Variants in OSCP1 observed in about 807,000 individuals in gnomAD.
The protein encoded by OSCP1 is organic solute carrier partner 1.
In OSCP1, 35 loss-of-function variants were observed where a neutral mutation model predicts 45.1. The observed-to-expected ratio is 0.78, with a 90% CI of 0.59 to 1.03. The LOEUF (loss-of-function observed/expected upper bound fraction) is 1.03, where lower values mean the gene tolerates loss of function less well. OSCP1 is among the 50% of genes least tolerant of loss of function. The pLI is 0.00. For synonymous variants in OSCP1, 179 were observed against 180.1 expected (o/e 0.99, Z 0.05); for missense variants, 400 against 470.7 (o/e 0.85, Z 1.39).
At chr1:36,437,796 T>C (rs1570535199) in intron 2 of OSCP1, among the ~76,000 whole-genome samples, 1 of 151,974 alleles carries the variant, frequency 6.6e-6, no homozygotes, top group Non-Finnish European at 1.5e-5. Context: ...GGATTACAGG[T>C]GTGAGCCACC....
At chr1:36,420,419 G>A (rs1286746760) in intron 8 of OSCP1, 57 bp downstream of exon 8, 2 of 1,566,722 alleles carry the variant, frequency 1.3e-6, no homozygotes, top group Non-Finnish European at 1.7e-6. Context: ...GTCATTTTGT[G>A]TTCTTGTCAT....
intron 1 of OSCP1, 86 bp from the exon 2 acceptor site, chr1:36,438,996 G>A (rs1004130835): frequency 2.1e-6 from 3 of 1,445,344 alleles, no homozygotes; most frequent in East Asian, 2.3e-5. Context: ...TACAGGAGCT[G>A]AGCGTGTACA....
chr1:36,427,766 TTTTAAA>T (rs1208394917), intron 4 of OSCP1, among the ~76,000 whole-genome samples: 1 of 152,252 alleles, frequency 6.6e-6, no homozygotes, highest in African/African-American at 2.4e-5. Flanking sequence ...AAAATTGTTA[TTTTAAA>T]TTTAATGAAA....
At chr1:36,441,415 A>G (rs536008662) in intron 1 of OSCP1, among the ~76,000 whole-genome samples, 10 of 152,198 alleles carry the variant, frequency 6.6e-5, no homozygotes, top group Non-Finnish European at 1.3e-4. Context: ...GAAGCAGCAC[A>G]TCATCTTTAG....
At chr1:36,432,318 G>C in intron 3 of OSCP1, 104 bp downstream of exon 3, 1 of 1,351,500 alleles carries the variant, frequency 7.4e-7, no homozygotes, top group South Asian at 1.4e-5. Flanking sequence ...GGCAGGCTTT[G>C]CCATTCCTCA....
intron 1 of OSCP1, among the ~76,000 whole-genome samples, chr1:36,445,071 G>A (rs939773945): frequency 6.6e-6 from 1 of 152,066 alleles, no homozygotes; most frequent in Non-Finnish European, 1.5e-5. Context: ...ACATTTTGGC[G>A]AGGCACAGTG....
intron 1 of OSCP1, among the ~76,000 whole-genome samples, chr1:36,445,924 G>C (rs1198527128): frequency 6.6e-6 from 1 of 151,962 alleles, no homozygotes; most frequent in Non-Finnish European, 1.5e-5. Flanking sequence ...TGTTGGCCAG[G>C]CTGGTCTTGA....
chr1:36,437,728 A>G (rs1248693579), intron 2 of OSCP1, among the ~76,000 whole-genome samples: 1 of 152,142 alleles, frequency 6.6e-6, no homozygotes, highest in Admixed American at 6.5e-5. Flanking sequence ...CATGTTGGCC[A>G]GACTGGTCTC....
chr1:36,449,417 T>A, intron 1 of OSCP1, among the ~76,000 whole-genome samples: 1 of 126,802 alleles, frequency 7.9e-6, no homozygotes, highest in East Asian at 3.2e-4. Flanking sequence ...AGGAGATTTA[T>A]AACTTTCTTA....
intron 8 of OSCP1, 131 bp from the exon 9 acceptor site, chr1:36,419,185 C>G: frequency 1.3e-6 from 1 of 775,816 alleles, no homozygotes. Context: ...ACTTTCTACC[C>G]CATCTCCCAC....
intron 1 of OSCP1, among the ~76,000 whole-genome samples, chr1:36,441,942 G>C (rs534709831): frequency 1.3e-5 from 2 of 150,658 alleles, no homozygotes; most frequent in South Asian, 2.1e-4. Flanking sequence ...AAGAGGCTAA[G>C]GGGGGCCGGG....
At chr1:36,449,719 C>T (rs1314392430) in intron 1 of OSCP1, among the ~76,000 whole-genome samples, 2 of 151,186 alleles carry the variant, frequency 1.3e-5, no homozygotes, top group Admixed American at 1.3e-4. Context: ...TGCCTGTAAT[C>T]CCAGCTACTT....
intron 8 of OSCP1, among the ~76,000 whole-genome samples, chr1:36,420,142 A>ATTTTTTT (rs879625733): frequency 6.5e-5 from 9 of 138,496 alleles, no homozygotes; most frequent in African/African-American, 2.5e-4. Context: ...CACCCAGCTA[A>ATTTTTTT]TTTTTTTTTT....
At chr1:36,422,919 A>G (rs16822952) in intron 5 of OSCP1, 23 bp from the exon 6 acceptor site, 134,426 of 1,555,316 alleles carry the variant, frequency 0.086, 6,267 homozygotes, top group Middle Eastern at 0.14. Flanking sequence ...GTATGACATG[A>G]TGGAATGTTC....
chr1:36,435,694 G>A (rs540873021), intron 2 of OSCP1, among the ~76,000 whole-genome samples: 77 of 151,644 alleles, frequency 5.1e-4, no homozygotes, highest in African/African-American at 1.8e-3. Context: ...GTGCAATGGC[G>A]CGATCTTGGC....
In OSCP1 at chr1:36,447,510, A is replaced by T. The variant is rs1649620560; in HGVS notation, c.112+2748T>A. ...TTGGCTGAGTATGAGGACATTGGTT[A>T]TATGAGGGGACATTGGTTATAGTAA... On this transcript the variant is annotated intron_variant, in intron 1 of 9. Coordinates refer to ENST00000235532, the MANE Select transcript of OSCP1 (RefSeq NM_145047.5). This position sits in a 1 kb window ranked among gnomAD's most constrained non-coding sequence, Gnocchi z 4.1. Among the ~76,000 whole-genome samples the T allele has an allele frequency of 6.6e-6, 1 of 152,036 alleles. No homozygotes were observed. The highest frequency in any genetic ancestry group is 2.1e-4 in the South Asian group (1 of 4,816).
rs112227201 is a variant in OSCP1 at position 36,427,033 on chromosome 1, C to T, written c.517-3567G>A. On this transcript the variant is annotated intron_variant, in intron 4 of 9. Coordinates refer to ENST00000235532, the MANE Select transcript of OSCP1 (RefSeq NM_145047.5). ...TTTTTTTTTTTGAGATGGAGTCTTGCTCTGTCGCCCAGGCTAGAGTACAGT... is the reference window on the plus strand; with the variant it reads ...TTTTTTTTTTTGAGATGGAGTCTTGTTCTGTCGCCCAGGCTAGAGTACAGT... Among the ~76,000 whole-genome samples the T allele has an allele frequency of 8.3e-3, 1,234 of 147,822 alleles. 15 individuals carry two copies. Among genetic ancestry groups the T allele is most frequent in the African/African-American group, 0.029 (1,156 of 39,970 alleles).
intron 9 of OSCP1, 65 bp downstream of exon 9, chr1:36,418,926 C>CAAAA (rs373575842): frequency 4.9e-5 from 62 of 1,266,338 alleles, no homozygotes; most frequent in South Asian, 1.1e-4. Flanking sequence ...GACCCTGTCT[C>CAAAA]AAGAAAAAAA....
intron 2 of OSCP1, among the ~76,000 whole-genome samples, chr1:36,434,607 G>C (rs564703230): frequency 6.6e-6 from 1 of 151,954 alleles, no homozygotes; most frequent in Admixed American, 6.6e-5. Flanking sequence ...AAAATTAGCC[G>C]GGTGTGGTGG....
Sources: gnomAD v4.1 joint callset for allele counts (sites outside exome capture counted in the v4.1 genomes callset) on GRCh38, gnomAD v4.1.1 for gene constraint, Gnocchi (gnomAD v3.1) non-coding constraint, MANE v1.5 for transcripts, NCBI Gene and HGNC (gene_info 2026-07-23, HGNC 2026-07-21) for gene names.